Variants in PDCL2 observed in about 807,000 individuals in gnomAD.
The protein encoded by PDCL2 is phosducin like 2.
A neutral mutation model predicts 30.3 loss-of-function variants in PDCL2; 23 were observed. The ratio of observed to expected loss-of-function variants is 0.76; its 90% CI spans 0.55 to 1.08. The LOEUF (loss-of-function observed/expected upper bound fraction) is 1.08, where lower values mean the gene tolerates loss of function less well. Ranked by LOEUF, PDCL2 falls within the 50% of genes least tolerant of loss-of-function variation. The probability of loss-of-function intolerance (pLI) is 0.00; values close to 1 mark genes in which losing one functional copy is unlikely to be tolerated. For synonymous variants in PDCL2, 68 were observed against 86.2 expected, an observed-to-expected ratio of 0.79 and a Z score of 1.17; for missense variants, 243 against 282.3, an observed-to-expected ratio of 0.86 and a Z score of 1.00.
rs1221085369 is a variant in PDCL2 at position 55,590,196 on chromosome 4, CAA to C, written c.6+1906_6+1907del. 1.2e-3 allele frequency among the ~76,000 whole-genome samples: 46 copies of C among 37,086 alleles called. 1 individual carries two copies. Among genetic ancestry groups the C allele is most frequent in the South Asian group, 5.3e-3 (2 of 378 alleles). 24.3% of individuals were successfully genotyped at this position (37,086 alleles called of 152,430 possible). A position where few individuals can be genotyped will look rare whatever the true frequency, so the allele number is the denominator to read the frequency against. Reference sequence around the variant, plus strand: ...TGGATGACAGAGCTAGGCTCTGTCTCAAAAAAAAAAAAAAAAAAAAAAAAAGA... The same window carrying C: ...TGGATGACAGAGCTAGGCTCTGTCTCAAAAAAAAAAAAAAAAAAAAAAAGA... On this transcript the variant is annotated intron_variant, in intron 1 of 5. Coordinates refer to ENST00000295645, the MANE Select transcript of PDCL2 (RefSeq NM_152401.3).
chr4:55,559,186 C>T (rs912507877), intron 5 of PDCL2, among the ~76,000 whole-genome samples: 1 of 152,162 alleles, frequency 6.6e-6, no homozygotes, highest in African/African-American at 2.4e-5. Flanking sequence ...TAAATTGATA[C>T]TTTCATTTAC....
At chr4:55,565,476 G>A (rs1218651573) in intron 4 of PDCL2, among the ~76,000 whole-genome samples, 1 of 152,092 alleles carries the variant, frequency 6.6e-6, no homozygotes, top group Non-Finnish European at 1.5e-5. Flanking sequence ...GAGAAGTGCT[G>A]AGCAAAAGGG....
chr4:55,564,517 A>G (rs1235870187), intron 4 of PDCL2, among the ~76,000 whole-genome samples: 2 of 152,210 alleles, frequency 1.3e-5, no homozygotes, highest in South Asian at 4.1e-4. Flanking sequence ...ACTTGGGTAT[A>G]AGAATAATAT....
In PDCL2 at chr4:55,556,559, A is replaced by G. The variant is rs1560497151; in HGVS notation, c.724T>C (p.Ter242GlnextTer7). Residue 242 changes from the stop codon to glutamine, a stop_lost, in exon 6 of 6, where the codon TAG (stop) becomes CAG (glutamine). Transcript: ENST00000295645. ...AGCTATTTATTGAATATTTCTCTCT[A>G]TTTGGTATCATTATCACTGTTGGAG... ...DSSNSDNDTK[*>Q] The G allele has an allele frequency of 3.2e-6, 5 of 1,540,128 alleles. No homozygotes were observed. Among genetic ancestry groups the G allele is most frequent in the South Asian group, 2.5e-5 (2 of 81,400 alleles).
At chr4:55,591,041 A>T (rs1732984864) in intron 1 of PDCL2, among the ~76,000 whole-genome samples, 1 of 152,208 alleles carries the variant, frequency 6.6e-6, no homozygotes, top group South Asian at 2.1e-4. Flanking sequence ...AGCAGATGCA[A>T]ATCAGGACAA....
intron 1 of PDCL2, among the ~76,000 whole-genome samples, chr4:55,586,629 A>T (rs1349423837): frequency 1.3e-5 from 2 of 152,230 alleles, no homozygotes; most frequent in African/African-American, 4.8e-5. Context: ...TAAAGCTGTT[A>T]TAAAAATGGG....
chr4:55,576,052 C>T (rs1732560590), intron 3 of PDCL2, among the ~76,000 whole-genome samples: 1 of 151,832 alleles, frequency 6.6e-6, no homozygotes, highest in Admixed American at 6.6e-5. Flanking sequence ...TACCATTTGG[C>T]TTTTACATAG....
Position 55,589,061 on chromosome 4 carries a change from G to A in PDCL2, c.6+3043C>T, listed in dbSNP as rs372909629. Among the ~76,000 whole-genome samples, 16 of 152,040 alleles carry A rather than the reference G, an allele frequency of 1.1e-4. No individual in the cohort carries two copies. In the South Asian group the frequency reaches 1.9e-3, roughly 18 times the overall value. ...TTTTTAGTAGAGACGGGGTTTCACCGTGTTAGCCAGGATGGTCTCGATCTC... is the reference window on the plus strand; with the variant it reads ...TTTTTAGTAGAGACGGGGTTTCACCATGTTAGCCAGGATGGTCTCGATCTC... On this transcript the variant is annotated intron_variant, in intron 1 of 5. Transcript: ENST00000295645.
chr4:55,572,477 C>T (rs777808206), intron 3 of PDCL2, among the ~76,000 whole-genome samples: 29 of 152,180 alleles, frequency 1.9e-4, no homozygotes, highest in Non-Finnish European at 3.7e-4. Flanking sequence ...AGTGTAACAA[C>T]TTTTGTCTCT....
chr4:55,567,840 TG>T (rs936403732), intron 4 of PDCL2, among the ~76,000 whole-genome samples: 6 of 152,226 alleles, frequency 3.9e-5, no homozygotes, highest in African/African-American at 1.4e-4. Flanking sequence ...TTTAGTCTTC[TG>T]GGCAGCTATC....
In PDCL2 at chr4:55,592,085, G is replaced by A. The variant is rs1733018059; in HGVS notation, c.6+19C>T. 1.2e-6 allele frequency: 2 copies of A among 1,608,336 alleles called. No individual in the cohort carries two copies. The highest frequency in any genetic ancestry group is 3.4e-5 in the Admixed American group (2 of 59,472). ...CCCACTGGGTGTTCCAGGGTGGCTC[G>A]GCAGGTCCCGACCCTCACCTGCATG... On this transcript the variant is annotated intron_variant, in intron 1 of 5. Coordinates refer to ENST00000295645, the MANE Select transcript of PDCL2 (RefSeq NM_152401.3).
At chr4:55,572,951 G>A (rs1292123814) in intron 3 of PDCL2, among the ~76,000 whole-genome samples, 1 of 152,032 alleles carries the variant, frequency 6.6e-6, no homozygotes, top group Non-Finnish European at 1.5e-5. Context: ...GTAGAGACAG[G>A]GTTTCACCGT....
At chr4:55,574,520 C>G (rs965134861) in intron 3 of PDCL2, among the ~76,000 whole-genome samples, 1 of 152,210 alleles carries the variant, frequency 6.6e-6, no homozygotes, top group Non-Finnish European at 1.5e-5. Context: ...CCTAATGAAA[C>G]AGCCCAGGTT....
intron 1 of PDCL2, among the ~76,000 whole-genome samples, chr4:55,586,717 A>G (rs1426094977): frequency 6.6e-6 from 1 of 152,196 alleles, no homozygotes; most frequent in East Asian, 1.9e-4. Flanking sequence ...GAATCATATG[A>G]TATCTGTTTA....
rs140668946 is a variant in PDCL2 at position 55,592,142 on chromosome 4, C to T, written c.-33G>A. On this transcript the variant is annotated 5_prime_UTR_variant, in exon 1 of 6. Transcript: ENST00000295645. Reference sequence around the variant, plus strand: ...TGCTCTGCCCCTCAAGAGCCCGCGTCGTCCTGCAGCTGGCGAGGCGCCACG... The same window carrying T: ...TGCTCTGCCCCTCAAGAGCCCGCGTTGTCCTGCAGCTGGCGAGGCGCCACG... 22 of 1,606,822 alleles carry T rather than the reference C, an allele frequency of 1.4e-5. No homozygotes were observed. Among genetic ancestry groups the T allele is most frequent in the South Asian group, 9.0e-5 (8 of 89,048 alleles).
intron 3 of PDCL2, among the ~76,000 whole-genome samples, chr4:55,580,299 G>A (rs1185850360): frequency 6.6e-6 from 1 of 152,146 alleles, no homozygotes; most frequent in Non-Finnish European, 1.5e-5. Flanking sequence ...GTAGTACTCT[G>A]TTTTAGTGAT....
chr4:55,556,709 G>C lies in PDCL2; in HGVS notation c.574C>G (p.Leu192Val). 6.5e-7 allele frequency: 1 copy of C among 1,540,218 alleles called. No individual in the cohort carries two copies. Among genetic ancestry groups the C allele is most frequent in the Non-Finnish European group, 8.7e-7 (1 of 1,143,548 alleles). ...CCAACTTCTGCTAGCTTCCATTCAA[G>C]TTCTGTAATAAATAACCCATCATTC... ...CGGINLKLEE[L>V]EWKLAEVGAI... The change falls in exon 6 of 6, where the codon CTT becomes GTT. Residue 192 changes from leucine (L) to valine (V), a missense_variant and splice_region_variant. Physicochemically the swap from Leu to Val is conservative, Grantham distance 32 (BLOSUM62 1). Coordinates refer to ENST00000295645, the MANE Select transcript of PDCL2 (RefSeq NM_152401.3).
chr4:55,582,178 A>G lies in PDCL2; in HGVS notation c.66T>C (p.Pro22=), dbSNP rs903717045. The G allele has an allele frequency of 3.1e-6, 5 of 1,612,822 alleles. No homozygotes were observed. Among genetic ancestry groups the G allele is most frequent in the Non-Finnish European group, 3.4e-6 (4 of 1,179,406 alleles). Residue 22 remains proline, a synonymous_variant, in exon 2 of 6, where the codon CCT becomes CCC. Coordinates refer to ENST00000295645, the MANE Select transcript of PDCL2 (RefSeq NM_152401.3). ...DILRDFGILP[P]KEESKDEIEE... is the part of the protein sequence containing the mutation. ...CAATTTCATCTTTTGACTCTTCTTT[A>G]GGAGGAAGAATGCCGAAATCTCTTA...
chr4:55,588,056 G>A (rs1184674541), intron 1 of PDCL2, among the ~76,000 whole-genome samples: 4 of 152,092 alleles, frequency 2.6e-5, no homozygotes, highest in Non-Finnish European at 5.9e-5. Flanking sequence ...CTTTGATGCA[G>A]TTTGAGTTAA....
Sources: allele counts gnomAD v4.1 joint callset (sites outside exome capture counted in the v4.1 genomes callset), GRCh38; gene constraint gnomAD v4.1.1; transcripts MANE v1.5; gene names NCBI Gene and HGNC (gene_info 2026-07-23, HGNC 2026-07-21).